The following LEF1 variants were observed in gnomAD, a reference collection of about 807,000 sequenced individuals.
LEF1 encodes the protein lymphoid enhancer-binding factor 1.
In LEF1, 14 loss-of-function variants were observed where a neutral mutation model predicts 51.2. That is an observed-to-expected ratio of 0.27 (90% CI 0.18 to 0.43). The LOEUF (loss-of-function observed/expected upper bound fraction) is 0.43, where lower values mean the gene tolerates loss of function less well. Ranked by LOEUF, LEF1 falls within the 20% of genes least tolerant of loss-of-function variation. The pLI is 1.00. For missense variants in LEF1, 386 were observed against 512.0 expected (o/e 0.75, Z 2.37); for synonymous variants, 185 against 183.2 (o/e 1.01, Z -0.08).
chr4:108,083,523 C>T (rs1739452683), intron 4 of LEF1, 77 bp from the exon 5 acceptor site: 1 of 856,594 alleles, frequency 1.2e-6, no homozygotes, highest in African/African-American at 1.7e-5. Context: ...ATGTTTTATA[C>T]CATTCATACT....
At chr4:108,107,317 A>G (rs1214646598) in intron 3 of LEF1, among the ~76,000 whole-genome samples, 3 of 151,298 alleles carry the variant, frequency 2.0e-5, no homozygotes, top group Admixed American at 6.6e-5. Context: ...TAGCAGCCTG[A>G]CTTCTGGGAA....
intron 3 of LEF1, among the ~76,000 whole-genome samples, chr4:108,143,407 G>A (rs1314644073): frequency 4.6e-5 from 7 of 152,106 alleles, no homozygotes; most frequent in Middle Eastern, 3.4e-3. Flanking sequence ...TACCATTTTC[G>A]GAAAATGCCG....
At chr4:108,133,256 T>C (rs913988306) in intron 3 of LEF1, among the ~76,000 whole-genome samples, 1 of 152,198 alleles carries the variant, frequency 6.6e-6, no homozygotes, top group Non-Finnish European at 1.5e-5. Flanking sequence ...GTGATGCCGA[T>C]GTGGCTGATC....
chr4:108,063,457 C>T (rs184316232), intron 11 of LEF1, among the ~76,000 whole-genome samples, 166 bp downstream of exon 11: 3 of 152,256 alleles, frequency 2.0e-5, no homozygotes, highest in African/African-American at 7.2e-5. Context: ...AATACATAGC[C>T]GGTATAAAAA....
chr4:108,136,148 C>A (rs528967041), intron 3 of LEF1, among the ~76,000 whole-genome samples: 1 of 152,158 alleles, frequency 6.6e-6, no homozygotes, highest in Non-Finnish European at 1.5e-5. Flanking sequence ...TAACTCTGAA[C>A]TTAAATGTAA....
chr4:108,126,167 C>A (rs1742513169), intron 3 of LEF1, among the ~76,000 whole-genome samples: 1 of 152,074 alleles, frequency 6.6e-6, no homozygotes, highest in Non-Finnish European at 1.5e-5. Context: ...GCAAAATACA[C>A]ATGAATAAGA....
At chr4:108,164,655 C>T (rs187938916) in intron 2 of LEF1, among the ~76,000 whole-genome samples, 60 of 152,200 alleles carry the variant, frequency 3.9e-4, no homozygotes, top group African/African-American at 1.4e-3. Flanking sequence ...CATTTACTGC[C>T]GGCCTTTTCA....
intron 3 of LEF1, among the ~76,000 whole-genome samples, chr4:108,140,818 G>T (rs1042840531): frequency 6.6e-6 from 1 of 152,174 alleles, no homozygotes; most frequent in African/African-American, 2.4e-5. Flanking sequence ...CTAGAAAAAT[G>T]CCTTGCTTTT....
At chr4:108,116,938 T>C (rs1006854735) in intron 3 of LEF1, among the ~76,000 whole-genome samples, 2 of 152,246 alleles carry the variant, frequency 1.3e-5, no homozygotes, top group Non-Finnish European at 2.9e-5. Context: ...GGTCACATTC[T>C]ATAGCTTCAA....
chr4:108,098,467 A>G (rs1158372006), intron 3 of LEF1, among the ~76,000 whole-genome samples: 1 of 152,050 alleles, frequency 6.6e-6, no homozygotes, highest in Non-Finnish European at 1.5e-5. Flanking sequence ...CCATAAGCGA[A>G]GCCAACAGAC....
chr4:108,061,773 G>A (rs1737710342), intron 11 of LEF1, among the ~76,000 whole-genome samples: 1 of 152,174 alleles, frequency 6.6e-6, no homozygotes, highest in East Asian at 1.9e-4. Flanking sequence ...GAGCCAGGTG[G>A]CTGGCTCAGA....
intron 3 of LEF1, among the ~76,000 whole-genome samples, chr4:108,154,850 AATATTTAACATTC>A (rs1744593171): frequency 6.6e-6 from 1 of 152,162 alleles, no homozygotes; most frequent in Non-Finnish European, 1.5e-5. Flanking sequence ...CCAATATATA[AATATTTAACATTC>A]ATGGGATTTT....
chr4:108,131,370 A>C (rs113819596), intron 3 of LEF1, among the ~76,000 whole-genome samples: 3,851 of 150,974 alleles, frequency 0.026, 154 homozygotes, highest in African/African-American at 0.089. Flanking sequence ...GTGAGGTGAC[A>C]GAGCAAGACC....
At chr4:108,069,551 T>C (rs558493384) in intron 9 of LEF1, among the ~76,000 whole-genome samples, 1 of 152,196 alleles carries the variant, frequency 6.6e-6, no homozygotes, top group Non-Finnish European at 1.5e-5. Flanking sequence ...TGAAAAAAGA[T>C]TTTTTTACCC....
intron 3 of LEF1, among the ~76,000 whole-genome samples, chr4:108,135,441 C>G (rs1306666058): frequency 1.3e-5 from 2 of 152,172 alleles, no homozygotes; most frequent in South Asian, 2.1e-4. Flanking sequence ...ACAGCAGGCT[C>G]AAATACAGAT....
chr4:108,050,419 G>A (rs1736902852), intron 11 of LEF1, among the ~76,000 whole-genome samples: 1 of 152,084 alleles, frequency 6.6e-6, no homozygotes, highest in Non-Finnish European at 1.5e-5. Flanking sequence ...GGCCATGGAA[G>A]TTGTCTGTAC....
chr4:108,054,351 C>T (rs1315888561), intron 11 of LEF1, among the ~76,000 whole-genome samples: 1 of 152,236 alleles, frequency 6.6e-6, no homozygotes, highest in Admixed American at 6.5e-5. Context: ...GCAGTAACAG[C>T]AGAGGATGGA....
chr4:108,099,542 ATG>A (rs67372037), intron 3 of LEF1, among the ~76,000 whole-genome samples: 46,671 of 116,568 alleles, frequency 0.4, 13,793 homozygotes, highest in Middle Eastern at 0.59. Context: ...ATATGTGTAT[ATG>A]TGTGTGTGTG....
intron 3 of LEF1, among the ~76,000 whole-genome samples, chr4:108,144,579 A>G (rs1743875672): frequency 6.6e-6 from 1 of 152,182 alleles, no homozygotes; most frequent in South Asian, 2.1e-4. Context: ...ACTTGCACAC[A>G]CAGTACATCT....
Sources: gnomAD v4.1 joint callset for allele counts (sites outside exome capture counted in the v4.1 genomes callset) on GRCh38, gnomAD v4.1.1 for gene constraint, MANE v1.5 for transcripts, NCBI Gene and HGNC (gene_info 2026-07-23, HGNC 2026-07-21) for gene names.